Variants in EXOC6B observed in about 807,000 individuals in gnomAD.
The protein encoded by EXOC6B is SEC15 homolog B.
A neutral mutation model predicts 113.5 loss-of-function variants in EXOC6B; 54 were observed. The observed-to-expected ratio is 0.48, with a 90% CI of 0.38 to 0.60. The LOEUF (loss-of-function observed/expected upper bound fraction) is 0.60, where lower values mean the gene tolerates loss of function less well. EXOC6B is among the 20% of genes least tolerant of loss of function. The probability of loss-of-function intolerance (pLI) is 0.00; values close to 1 mark genes in which losing one functional copy is unlikely to be tolerated. For synonymous variants in EXOC6B, 357 were observed against 339.0 expected (o/e 1.05, Z -0.58); for missense variants, 797 against 977.5 (o/e 0.82, Z 2.46).
At chr2:72,198,068 C>T (rs143580061) in intron 20 of EXOC6B, among the ~76,000 whole-genome samples, 69 of 152,266 alleles carry the variant, frequency 4.5e-4, no homozygotes, top group African/African-American at 1.6e-3. Flanking sequence ...GGGTATACCA[C>T]ATTAATTAGG....
chr2:72,295,048 T>C (rs1462243977), intron 20 of EXOC6B, among the ~76,000 whole-genome samples: 1 of 151,810 alleles, frequency 6.6e-6, no homozygotes, highest in African/African-American at 2.4e-5. Flanking sequence ...CTGGCCAACA[T>C]GGTGAATCCT....
chr2:72,814,320 G>A (rs549797265), intron 1 of EXOC6B, among the ~76,000 whole-genome samples: 22 of 152,308 alleles, frequency 1.4e-4, no homozygotes, highest in African/African-American at 5.1e-4. Flanking sequence ...TGATAGAACT[G>A]TTATAAAAGA....
chr2:72,768,748 T>C (rs771984614), intron 1 of EXOC6B, among the ~76,000 whole-genome samples: 2 of 152,072 alleles, frequency 1.3e-5, no homozygotes, highest in Non-Finnish European at 2.9e-5. Context: ...GCCAAGTATA[T>C]CTAAAAACTT....
intron 6 of EXOC6B, among the ~76,000 whole-genome samples, chr2:72,667,861 A>G (rs945905768): frequency 6.6e-6 from 1 of 152,234 alleles, no homozygotes; most frequent in Non-Finnish European, 1.5e-5. Context: ...ACAAAGATAA[A>G]AATTGACAAG....
Position 72,675,643 on chromosome 2 carries a change from A to C in EXOC6B, c.669+42460T>G, listed in dbSNP as rs1676244088. 3.3e-5 allele frequency among the ~76,000 whole-genome samples: 5 copies of C among 152,134 alleles called. No individual in the cohort carries two copies. In the South Asian group the frequency reaches 1.0e-3, roughly 32 times the overall value. On this transcript the variant is annotated intron_variant, in intron 6 of 21. Coordinates refer to ENST00000272427, the MANE Select transcript of EXOC6B (RefSeq NM_015189.3). Reference sequence around the variant, plus strand: ...TCCTGTCTCTACAAAAAATACAAAAATTAGCCAGGCATGGTGGCATGTGCC... The same window carrying C: ...TCCTGTCTCTACAAAAAATACAAAACTTAGCCAGGCATGGTGGCATGTGCC...
intron 6 of EXOC6B, among the ~76,000 whole-genome samples, chr2:72,645,672 A>C (rs1475847623): frequency 2.6e-5 from 4 of 152,226 alleles, no homozygotes; most frequent in Non-Finnish European, 5.9e-5. Context: ...GAAACTGAAC[A>C]ACCTGCTCCT....
chr2:72,502,063 T>TA (rs1043029326), intron 11 of EXOC6B, among the ~76,000 whole-genome samples: 2 of 152,092 alleles, frequency 1.3e-5, no homozygotes, highest in Non-Finnish European at 2.9e-5. Context: ...ACACTTGGCC[T>TA]AAAAAAACTC....
intron 18 of EXOC6B, among the ~76,000 whole-genome samples, chr2:72,440,913 A>C (rs1174977630): frequency 6.6e-6 from 1 of 152,130 alleles, no homozygotes; most frequent in African/African-American, 2.4e-5. Context: ...TTAAAACAAC[A>C]AAGATTAAAA....
intron 20 of EXOC6B, among the ~76,000 whole-genome samples, chr2:72,217,573 T>C (rs1680617923): frequency 6.6e-6 from 1 of 152,210 alleles, no homozygotes; most frequent in African/African-American, 2.4e-5. Context: ...TCTGGTCTAA[T>C]GGCCAAGACA....
intron 18 of EXOC6B, among the ~76,000 whole-genome samples, chr2:72,416,245 C>A (rs1014092311): frequency 6.6e-6 from 1 of 152,158 alleles, no homozygotes; most frequent in African/African-American, 2.4e-5. Context: ...ATTCTCTCAT[C>A]AAGAGAGCCA....
chr2:72,696,450 G>A (rs1369791267), intron 6 of EXOC6B, among the ~76,000 whole-genome samples: 2 of 152,172 alleles, frequency 1.3e-5, no homozygotes, highest in Non-Finnish European at 2.9e-5. Context: ...CTGTGCCCAT[G>A]TGCCTTTGCA....
Position 72,825,725 on chromosome 2 carries a change from G to A in EXOC6B, c.113+73C>T. 4 of 1,444,344 alleles carry A rather than the reference G, an allele frequency of 2.8e-6. No individual in the cohort carries two copies. Among genetic ancestry groups the A allele is most frequent in the South Asian group, 1.4e-5 (1 of 70,222 alleles). 89.5% of individuals were successfully genotyped at this position (1,444,344 alleles called of 1,614,324 possible). ...GCGCCGGACCTGGGGACAGCCGGCC[G>A]GAGGCCCGACCCAGAGGAGCCTGCC... is the stretch of plus-strand genomic sequence containing the variant. On this transcript the variant is annotated intron_variant, in intron 1 of 21. Coordinates refer to ENST00000272427, the MANE Select transcript of EXOC6B (RefSeq NM_015189.3). This position sits in a 1 kb window ranked among gnomAD's most constrained non-coding sequence, Gnocchi z 4.4.
chr2:72,772,881 G>A (rs1395037137), intron 1 of EXOC6B, among the ~76,000 whole-genome samples: 1 of 151,902 alleles, frequency 6.6e-6, no homozygotes, highest in African/African-American at 2.4e-5. Flanking sequence ...CAAATAAACA[G>A]GAAAACCATA....
intron 1 of EXOC6B, among the ~76,000 whole-genome samples, chr2:72,794,450 A>C (rs1000999959): frequency 6.6e-6 from 1 of 152,202 alleles, no homozygotes; most frequent in African/African-American, 2.4e-5. Flanking sequence ...TCTTGAGGAG[A>C]TATAGAGAAA....
At chr2:72,771,340 T>C (rs1683394760) in intron 1 of EXOC6B, among the ~76,000 whole-genome samples, 1 of 152,202 alleles carries the variant, frequency 6.6e-6, no homozygotes. Flanking sequence ...TTTATCATTC[T>C]CTCCCTACAT....
At chr2:72,243,721 A>T (rs1682473524) in intron 20 of EXOC6B, among the ~76,000 whole-genome samples, 1 of 152,232 alleles carries the variant, frequency 6.6e-6, no homozygotes, top group African/African-American at 2.4e-5. Flanking sequence ...GTGCACATGT[A>T]TCCTAGAACT....
At chr2:72,755,596 A>G (rs1682363355) in intron 1 of EXOC6B, among the ~76,000 whole-genome samples, 1 of 152,246 alleles carries the variant, frequency 6.6e-6, no homozygotes, top group Admixed American at 6.5e-5. Flanking sequence ...AATAATTTGC[A>G]CTTCAGCTAA....
chr2:72,499,757 C>T (rs930622317), intron 12 of EXOC6B, 144 bp downstream of exon 12: 3 of 605,706 alleles, frequency 5.0e-6, no homozygotes, highest in Non-Finnish European at 9.0e-6. Flanking sequence ...TAGTCTTGGA[C>T]TCTTGGACTC....
chr2:72,362,366 T>C (rs923486788), intron 19 of EXOC6B, among the ~76,000 whole-genome samples: 2 of 152,116 alleles, frequency 1.3e-5, no homozygotes, highest in East Asian at 1.9e-4. Flanking sequence ...TAGGGAACTA[T>C]GCAGATAACT....
Sources: allele counts gnomAD v4.1 joint callset (sites outside exome capture counted in the v4.1 genomes callset), GRCh38; gene constraint gnomAD v4.1.1; non-coding constraint Gnocchi (gnomAD v3.1); transcripts MANE v1.5; gene names NCBI Gene and HGNC (gene_info 2026-07-23, HGNC 2026-07-21).